The following EHBP1 variants were observed in gnomAD, a reference collection of about 807,000 sequenced individuals.
EHBP1 encodes EH domain binding protein 1, also known as EH domain-binding protein 1.
In EHBP1, 55 loss-of-function variants were observed where a neutral mutation model predicts 144.0. The observed-to-expected ratio is 0.38, with a 90% CI of 0.31 to 0.48. The LOEUF is 0.48. Among genes scored for constraint, EHBP1 ranks in the 20% least tolerant of loss-of-function variants. EHBP1 has a pLI of 0.98. For synonymous variants in EHBP1, 469 were observed against 472.7 expected (o/e 0.99, Z 0.10); for missense variants, 1,200 against 1,364.2 (o/e 0.88, Z 1.90).
At chr2:62,951,049 C>G (rs1014552908) in intron 13 of EHBP1, among the ~76,000 whole-genome samples, 6 of 152,186 alleles carry the variant, frequency 3.9e-5, no homozygotes, top group African/African-American at 1.4e-4. Flanking sequence ...AGTCAGTATA[C>G]TGATTGATAA....
intron 2 of EHBP1, among the ~76,000 whole-genome samples, chr2:62,740,511 T>G (rs2038603092): frequency 6.6e-6 from 1 of 152,170 alleles, no homozygotes; most frequent in African/African-American, 2.4e-5. Context: ...TTAGAGTATT[T>G]CTGTGATAAG....
intron 11 of EHBP1, 31 bp from the exon 12 acceptor site, chr2:62,943,771 T>C: frequency 6.6e-7 from 1 of 1,519,762 alleles, no homozygotes; most frequent in Non-Finnish European, 9.0e-7. Context: ...TCAAATACTA[T>C]ATGTACCCAC....
chr2:62,774,187 A>G (rs2041893623), intron 5 of EHBP1, among the ~76,000 whole-genome samples: 1 of 152,068 alleles, frequency 6.6e-6, no homozygotes, highest in Non-Finnish European at 1.5e-5. Context: ...TCTGGCCAAC[A>G]TGGTGAAACA....
At chr2:62,709,089 G>C (rs1290492908) in intron 2 of EHBP1, among the ~76,000 whole-genome samples, 1 of 152,154 alleles carries the variant, frequency 6.6e-6, no homozygotes, top group African/African-American at 2.4e-5. Flanking sequence ...TGTAGACTGA[G>C]GATCATAGTA....
At chr2:62,677,572 T>C (rs933196490) in intron 1 of EHBP1, among the ~76,000 whole-genome samples, 4 of 152,198 alleles carry the variant, frequency 2.6e-5, no homozygotes, top group African/African-American at 9.7e-5. Flanking sequence ...TGTTAACAAA[T>C]ACTAGATCTT....
At chr2:62,863,180 G>A (rs1234309649) in intron 8 of EHBP1, among the ~76,000 whole-genome samples, 1 of 152,164 alleles carries the variant, frequency 6.6e-6, no homozygotes, top group Non-Finnish European at 1.5e-5. Flanking sequence ...CTACTCAGGA[G>A]GCTGAGGTGG....
chr2:62,947,520 T>C (rs1473759932), intron 12 of EHBP1, among the ~76,000 whole-genome samples: 1 of 152,202 alleles, frequency 6.6e-6, no homozygotes, highest in African/African-American at 2.4e-5. Flanking sequence ...AGCCATACTT[T>C]TAATGCTTCC....
At chr2:62,791,344 T>C (rs2043156896) in intron 5 of EHBP1, among the ~76,000 whole-genome samples, 1 of 152,032 alleles carries the variant, frequency 6.6e-6, no homozygotes, top group African/African-American at 2.4e-5. Flanking sequence ...GATAATTTGA[T>C]AGTATTTAAA....
At chr2:62,830,962 A>C (rs1008663499) in intron 6 of EHBP1, 57 bp from the exon 7 acceptor site, 56 of 1,547,740 alleles carry the variant, frequency 3.6e-5, no homozygotes, top group Non-Finnish European at 4.5e-5. Context: ...TTAAGAAACC[A>C]TCATTTTTCT....
intron 1 of EHBP1, among the ~76,000 whole-genome samples, chr2:62,695,452 G>T (rs2034052938): frequency 1.3e-5 from 2 of 152,186 alleles, no homozygotes; most frequent in African/African-American, 4.8e-5. Context: ...GAAATAAAAC[G>T]TTTTGTGAAA....
At chr2:62,792,680 G>C (rs9973612) in intron 5 of EHBP1, among the ~76,000 whole-genome samples, 53,767 of 151,790 alleles carry the variant, frequency 0.35, 9,589 homozygotes, top group Middle Eastern at 0.54. Context: ...GAAAGGGTGT[G>C]TCTTTTTGTA....
intron 2 of EHBP1, among the ~76,000 whole-genome samples, chr2:62,730,131 T>C (rs2037366339): frequency 6.6e-6 from 1 of 152,162 alleles, no homozygotes; most frequent in African/African-American, 2.4e-5. Context: ...TGAGCAGTTA[T>C]GAATTTACAG....
chr2:62,955,675 T>C lies in EHBP1; in HGVS notation c.2460+15T>C, dbSNP rs749608414. ...AGCTAAGTGATGTGAGGAGCATTGG[T>C]TAAAAAAGACCATAAGTTGTTCATT... is the stretch of plus-strand genomic sequence containing the variant. On this transcript the variant is annotated intron_variant, in intron 14 of 22. Coordinates refer to ENST00000431489, the MANE Select transcript of EHBP1 (RefSeq NM_001142616.3). The C allele has an allele frequency of 1.3e-6, 2 of 1,594,958 alleles. No individual in the cohort carries two copies. Among genetic ancestry groups the C allele is most frequent in the Non-Finnish European group, 1.7e-6 (2 of 1,172,362 alleles).
At chr2:63,025,719 A>G (rs2060945844) in intron 19 of EHBP1, among the ~76,000 whole-genome samples, 1 of 152,194 alleles carries the variant, frequency 6.6e-6, no homozygotes, top group Non-Finnish European at 1.5e-5. Context: ...TTTAAAATTT[A>G]TATCATGATA....
At chr2:62,755,850 CA>C (rs2040226145) in intron 3 of EHBP1, among the ~76,000 whole-genome samples, 3 of 151,714 alleles carry the variant, frequency 2.0e-5, no homozygotes, top group South Asian at 4.2e-4. Context: ...TAGTTATCAA[CA>C]AAAAACAATT....
chr2:63,021,978 G>C (rs2060773168), intron 19 of EHBP1, among the ~76,000 whole-genome samples: 1 of 152,034 alleles, frequency 6.6e-6, no homozygotes, highest in Non-Finnish European at 1.5e-5. Context: ...ATGTTGGCCA[G>C]GCTGCTCTCA....
At chr2:63,018,658 C>T (rs895929022) in intron 19 of EHBP1, among the ~76,000 whole-genome samples, 3 of 152,102 alleles carry the variant, frequency 2.0e-5, no homozygotes, top group African/African-American at 7.2e-5. Context: ...ATTCATTTAT[C>T]CAGAAAAACA....
At chr2:62,713,637 C>A (rs945141896) in intron 2 of EHBP1, among the ~76,000 whole-genome samples, 1 of 152,132 alleles carries the variant, frequency 6.6e-6, no homozygotes, top group African/African-American at 2.4e-5. Context: ...GTATTGTTCC[C>A]TAGTTTCTAG....
chr2:62,821,941 G>A (rs562422177), intron 5 of EHBP1, among the ~76,000 whole-genome samples: 36 of 152,118 alleles, frequency 2.4e-4, no homozygotes, highest in African/African-American at 8.2e-4. Context: ...GGAAAATGTG[G>A]TGTCTTTCCC....
Sources: allele counts gnomAD v4.1 joint callset (sites outside exome capture counted in the v4.1 genomes callset), GRCh38; gene constraint gnomAD v4.1.1; transcripts MANE v1.5; gene names NCBI Gene and HGNC (gene_info 2026-07-23, HGNC 2026-07-21).